SCFD2: variants seen among roughly 807,000 people sequenced by gnomAD.
The protein encoded by SCFD2 is sec1 family domain-containing protein 2.
SCFD2 carries 54 observed loss-of-function variants against 58.9 expected under a neutral mutation model. The ratio of observed to expected loss-of-function variants is 0.92; its 90% CI spans 0.74 to 1.15. The LOEUF (loss-of-function observed/expected upper bound fraction) is 1.15, where lower values mean the gene tolerates loss of function less well. Among genes scored for constraint, SCFD2 ranks in the 50% most tolerant of loss-of-function variants. SCFD2 has a pLI of 0.00. For missense variants in SCFD2, 805 were observed against 836.6 expected, an observed-to-expected ratio of 0.96 and a Z score of 0.47; for synonymous variants, 321 against 335.9, an observed-to-expected ratio of 0.96 and a Z score of 0.49.
intron 5 of SCFD2, among the ~76,000 whole-genome samples, chr4:53,006,716 A>G (rs1353375587): frequency 6.6e-6 from 1 of 152,212 alleles, no homozygotes; most frequent in East Asian, 1.9e-4. Context: ...ACAGAAGTTC[A>G]TGTGGGAAAT....
At chr4:53,354,845 G>A (rs957779134) in intron 1 of SCFD2, among the ~76,000 whole-genome samples, 5 of 106,336 alleles carry the variant, frequency 4.7e-5, no homozygotes, top group African/African-American at 1.3e-4. Context: ...CCAAGCTGGA[G>A]TGCAATCATA....
intron 3 of SCFD2, among the ~76,000 whole-genome samples, chr4:53,295,905 T>C (rs1732013680): frequency 6.6e-6 from 1 of 152,240 alleles, no homozygotes; most frequent in Non-Finnish European, 1.5e-5. Context: ...CATGTGGTTT[T>C]TGTCATTGGT....
At chr4:53,192,308 C>T (rs1233236569) in intron 4 of SCFD2, among the ~76,000 whole-genome samples, 3 of 152,126 alleles carry the variant, frequency 2.0e-5, no homozygotes, top group Non-Finnish European at 4.4e-5. Flanking sequence ...AGTCTAGTAC[C>T]TTTCCTTATC....
At chr4:53,210,768 T>C (rs1427391386) in intron 4 of SCFD2, among the ~76,000 whole-genome samples, 1 of 152,078 alleles carries the variant, frequency 6.6e-6, no homozygotes, top group African/African-American at 2.4e-5. Context: ...TACAGTCTTT[T>C]ATTATAATGT....
rs1242857081 is a variant in SCFD2 at position 53,247,641 on chromosome 4, T to G, written c.1311+26185A>C. ...TTGGGAGGCCGAGGCGGGTGGATCA[T>G]GAGGTCAGGAGATCGAGACCATCCT... On this transcript the variant is annotated intron_variant, in intron 4 of 8. Transcript: ENST00000401642. Among the ~76,000 whole-genome samples, 4 of 149,926 alleles carry G rather than the reference T, an allele frequency of 2.7e-5. No homozygotes were observed. In the East Asian group the frequency reaches 7.9e-4, roughly 30 times the overall value.
intron 2 of SCFD2, among the ~76,000 whole-genome samples, chr4:53,350,152 C>T (rs1253732659): frequency 6.6e-6 from 1 of 152,150 alleles, no homozygotes; most frequent in Non-Finnish European, 1.5e-5. Context: ...TTTGCATGTC[C>T]AGCATCTGTT....
chr4:52,900,795 C>T (rs1009245673), intron 7 of SCFD2, among the ~76,000 whole-genome samples: 22 of 152,346 alleles, frequency 1.4e-4, no homozygotes, highest in Admixed American at 3.3e-4. Flanking sequence ...CCTCCCAGTT[C>T]GAGCTTCCCT....
rs527855752 is a variant in SCFD2, at chr4:53,046,817, G to A, written c.1561+98516C>T. ...CAAGTAGCTGGGATTACAGGCACGC[G>A]CCACCACATCCAGCTAATTTTCTTT... On this transcript the variant is annotated intron_variant, in intron 5 of 8. Transcript: ENST00000401642. 8.5e-5 allele frequency among the ~76,000 whole-genome samples: 13 copies of A among 152,106 alleles called. No individual in the cohort carries two copies. The East Asian group carries it at 1.2e-3, about 14-fold the overall frequency.
At chr4:53,267,354 T>C (rs1456647502) in intron 4 of SCFD2, among the ~76,000 whole-genome samples, 1 of 152,192 alleles carries the variant, frequency 6.6e-6, no homozygotes, top group Non-Finnish European at 1.5e-5. Flanking sequence ...CCATATATTA[T>C]GACTTGTTAA....
At chr4:53,296,875 C>T (rs1042908298) in intron 3 of SCFD2, among the ~76,000 whole-genome samples, 4 of 152,186 alleles carry the variant, frequency 2.6e-5, no homozygotes, top group African/African-American at 9.7e-5. Context: ...ATCTTTATTT[C>T]CGCCTTTATT....
At position 52,885,766 on chromosome 4, in the gene SCFD2, G is replaced by A. The variant is rs772678405; in HGVS notation, c.1943C>T (p.Ser648Leu). The A allele has an allele frequency of 1.7e-5, 28 of 1,613,932 alleles. No individual in the cohort carries two copies. The highest frequency in any genetic ancestry group is 1.7e-4 in the Middle Eastern group (1 of 6,060). Reference sequence around the variant, plus strand: ...CAGTACCTGGGTTCCTGGCTTCAACGATGCCACAAGATCTTTGACCATTTT... The same window carrying A: ...CAGTACCTGGGTTCCTGGCTTCAACAATGCCACAAGATCTTTGACCATTTT... ...EVKMVKDLVA[S>L]LKPGTQVIVL... The change falls in exon 8 of 9, where the codon TCG (serine) becomes TTG (leucine). Residue 648 changes from serine to leucine, a missense_variant. Ser to Leu is a moderately radical substitution (Grantham distance 145). Around this residue, in one of 3 missense-constraint regions of SCFD2, gnomAD observed 633 missense variants for 646.8 expected, o/e 0.98. Coordinates refer to ENST00000401642, the MANE Select transcript of SCFD2 (RefSeq NM_152540.4).
chr4:53,213,989 C>T (rs1042364446), intron 4 of SCFD2, among the ~76,000 whole-genome samples: 2 of 152,046 alleles, frequency 1.3e-5, no homozygotes, highest in African/African-American at 4.8e-5. Flanking sequence ...ATGAACTCAT[C>T]CTTTTTTATG....
chr4:53,127,640 T>C (rs553086684), intron 5 of SCFD2, among the ~76,000 whole-genome samples: 1 of 152,316 alleles, frequency 6.6e-6, no homozygotes, highest in Admixed American at 6.5e-5. Flanking sequence ...CGGAAACGGT[T>C]AGCTGGGCTG....
chr4:53,298,080 G>T (rs1307566229), intron 3 of SCFD2, among the ~76,000 whole-genome samples: 2 of 152,146 alleles, frequency 1.3e-5, no homozygotes, highest in East Asian at 3.8e-4. Flanking sequence ...TCACACTGGG[G>T]AGTGCCGGAC....
intron 5 of SCFD2, among the ~76,000 whole-genome samples, chr4:52,926,965 GA>G (rs1353588406): frequency 6.6e-6 from 1 of 152,168 alleles, no homozygotes; most frequent in Non-Finnish European, 1.5e-5. Context: ...AAAACTAAAT[GA>G]AGTAAAAATC....
chr4:53,139,403 CT>C (rs1726048983), intron 5 of SCFD2, among the ~76,000 whole-genome samples: 1 of 114,464 alleles, frequency 8.7e-6, no homozygotes, highest in South Asian at 2.6e-4. Context: ...CTCTTCCCGG[CT>C]GCCGGCCGTC....
Position 53,072,508 on chromosome 4 carries a change from G to A in SCFD2, c.1561+72825C>T, listed in dbSNP as rs545741780. ...CCATCTTCCCTTTCTTTGTCACCCC[G>A]TGTACAGTGAAGAAACAGGCAACAT... On this transcript the variant is annotated intron_variant, in intron 5 of 8. Transcript: ENST00000401642. Among the ~76,000 whole-genome samples the A allele has an allele frequency of 1.6e-4, 24 of 151,982 alleles. No homozygotes were observed. The South Asian group carries it at 3.7e-3, about 24-fold the overall frequency.
At chr4:53,257,391 T>G (rs1730678523) in intron 4 of SCFD2, among the ~76,000 whole-genome samples, 1 of 152,316 alleles carries the variant, frequency 6.6e-6, no homozygotes, top group South Asian at 2.1e-4. Context: ...CCTGGAAGGC[T>G]GAGCCCCGCA....
At chr4:53,289,893 T>C (rs1731786477) in intron 3 of SCFD2, among the ~76,000 whole-genome samples, 2 of 152,310 alleles carry the variant, frequency 1.3e-5, no homozygotes, top group South Asian at 4.1e-4. Context: ...CAAAGGTTAA[T>C]ATTTAATGTT....
Sources: gnomAD v4.1 joint callset for allele counts (sites outside exome capture counted in the v4.1 genomes callset) on GRCh38, gnomAD v4.1.1 for gene constraint, gnomAD v4.1.1 regional missense constraint, MANE v1.5 for transcripts, NCBI Gene and HGNC (gene_info 2026-07-23, HGNC 2026-07-21) for gene names.